The following TOP2B variants were observed in gnomAD, a reference collection of about 807,000 sequenced individuals.
TOP2B encodes the protein DNA topoisomerase II beta.
A neutral mutation model predicts 193.5 loss-of-function variants in TOP2B; 51 were observed. The ratio of observed to expected loss-of-function variants is 0.26; its 90% CI spans 0.21 to 0.33. The LOEUF (loss-of-function observed/expected upper bound fraction) is 0.33, where lower values mean the gene tolerates loss of function less well. Among genes scored for constraint, TOP2B ranks in the 10% least tolerant of loss-of-function variants. TOP2B has a pLI of 1.00. For missense variants in TOP2B, 1,378 were observed against 1,909.3 expected (o/e 0.72, Z 5.19); for synonymous variants, 634 against 635.7 (o/e 1.00, Z 0.04).
chr3:25,659,995 G>A (rs1022303663), intron 1 of TOP2B, among the ~76,000 whole-genome samples: 1 of 152,118 alleles, frequency 6.6e-6, no homozygotes, highest in Non-Finnish European at 1.5e-5. Context: ...GGTTCTATAC[G>A]TGTTAATACT....
Position 25,612,614 on chromosome 3 carries a change from C to T in TOP2B, c.3687G>A (p.Gln1229=). 2 of 1,613,772 alleles carry T rather than the reference C, an allele frequency of 1.2e-6. No homozygotes were observed. The highest frequency in any genetic ancestry group is 1.7e-6 in the Non-Finnish European group (2 of 1,179,832). The change falls in exon 28 of 36, where the codon CAG becomes CAA. Residue 1229 remains glutamine (Q), a synonymous_variant. Coordinates refer to ENST00000264331, the MANE Select transcript of TOP2B (RefSeq NM_001330700.2). ...AAGGTGAGGGCATTGTCTCTTCCAA[C>T]TGGAGTTTCTTCACCTTAGGTTTGC... The part of the protein sequence containing the change: ...KVGKPKVKKL[Q]LEETMPSPYG...
chr3:25,630,147 T>C lies in TOP2B; in HGVS notation c.1571A>G (p.Glu524Gly). ...VREASHKQIM[E>G]NAEINNIIKI... ...AATAATATTATTTATTTCAGCATTT[T>C]CCATGATCTGTTCAAAAAGGAAAAG... Residue 524 changes from glutamate (E) to glycine (G), a missense_variant, in exon 13 of 36, where the codon GAA becomes GGA. Around this residue, in one of 9 missense-constraint regions of TOP2B, gnomAD observed 66 missense variants for 153.3 expected, o/e 0.43. Transcript: ENST00000264331. 1 of 1,548,244 alleles carries C rather than the reference T, an allele frequency of 6.5e-7. No homozygotes were observed. The highest frequency in any genetic ancestry group is 8.7e-7 in the Non-Finnish European group (1 of 1,147,878).
chr3:25,620,623 C>T, intron 22 of TOP2B, 59 bp downstream of exon 22: 1 of 1,540,318 alleles, frequency 6.5e-7, no homozygotes, highest in Non-Finnish European at 8.8e-7. Context: ...TCATCCTTAC[C>T]AGAAAAAATT....
intron 30 of TOP2B, among the ~76,000 whole-genome samples, chr3:25,608,077 A>G (rs1229477920): frequency 6.6e-6 from 1 of 152,206 alleles, no homozygotes; most frequent in Non-Finnish European, 1.5e-5. Flanking sequence ...GAGCCACTGT[A>G]CCGACACCTA....
intron 30 of TOP2B, among the ~76,000 whole-genome samples, chr3:25,608,733 C>T (rs373302478): frequency 6.8e-4 from 103 of 152,082 alleles, no homozygotes; most frequent in Non-Finnish European, 1.1e-3. Context: ...ATTATTATAA[C>T]AGCAAAATGG....
intron 12 of TOP2B, 30 bp from the exon 13 acceptor site, chr3:25,630,184 G>A (rs114586592): frequency 6.5e-7 from 1 of 1,530,620 alleles, no homozygotes; most frequent in Non-Finnish European, 8.8e-7. Context: ...ACTGAGAGTA[G>A]TTTGAAGTGT....
chr3:25,598,400 A>G lies in TOP2B; in HGVS notation c.4788T>C (p.Ser1596=). Residue 1596 remains serine (S), a synonymous_variant, in exon 36 of 36, where the codon TCT becomes TCC. Coordinates refer to ENST00000264331, the MANE Select transcript of TOP2B (RefSeq NM_001330700.2). ...FPSDFPTEPP[S]LPRTGRARKE... is the part of the protein sequence containing the mutation. ...TCCTAGCCCGACCGGTTCGTGGCAG[A>G]GAAGGTGGCTCAGTAGGGAAGTCTG... 6.2e-7 allele frequency: 1 copy of G among 1,613,704 alleles called. No homozygotes were observed. The highest frequency in any genetic ancestry group is 8.5e-7 in the Non-Finnish European group (1 of 1,179,684).
chr3:25,637,351 G>A (rs925449170), intron 5 of TOP2B, 39 bp from the exon 6 acceptor site: 4 of 1,452,696 alleles, frequency 2.8e-6, no homozygotes, highest in South Asian at 1.3e-5. Flanking sequence ...TAGTAAAAAT[G>A]ATTTTAAAGG....
At chr3:25,615,699 T>C in intron 25 of TOP2B, 113 bp from the exon 26 acceptor site, 18 of 920,016 alleles carry the variant, frequency 2.0e-5, no homozygotes, top group Non-Finnish European at 2.6e-5. Context: ...AAATGCTACA[T>C]CTTCAGGATG....
chr3:25,619,758 TG>T, intron 23 of TOP2B, 103 bp downstream of exon 23: 2 of 503,374 alleles, frequency 4.0e-6, no homozygotes, highest in Non-Finnish European at 6.2e-6. Flanking sequence ...AAAAAAAAAA[TG>T]CCTTCAGGCT....
Position 25,637,099 on chromosome 3 carries a change from T to G in TOP2B, c.639+116A>C, listed in dbSNP as rs1227732514. 3 of 746,934 alleles carry G rather than the reference T, an allele frequency of 4.0e-6. No homozygotes were observed. In the East Asian group the frequency reaches 8.3e-5, roughly 21 times the overall value. The allele number at this position is 746,934 out of a possible 1,614,324, so 46.3% of individuals were successfully genotyped here. A position where few individuals can be genotyped will look rare whatever the true frequency, so the allele number is the denominator to read the frequency against. On this transcript the variant is annotated intron_variant, in intron 6 of 35. Coordinates refer to ENST00000264331, the MANE Select transcript of TOP2B (RefSeq NM_001330700.2). ...TGATGATTTGACTTGGATAATGCTT[T>G]GGAAAAAAAAAATGAAGTTATACAG...
chr3:25,617,518 T>C (rs1234787181), intron 25 of TOP2B, among the ~76,000 whole-genome samples: 1 of 152,176 alleles, frequency 6.6e-6, no homozygotes, highest in Non-Finnish European at 1.5e-5. Context: ...AATATTTCAA[T>C]GTAGTTTGAT....
In TOP2B at chr3:25,626,606, G is replaced by C. The variant is rs867409127; in HGVS notation, c.2178C>G (p.Leu726=). The part of the protein sequence containing the change: ...YNDFINKELI[L]FSNSDNERSI... ...ATCTTTCATTGTCTGAGTTTGAGAAGAGAATCAATTCCTTGTTGATGAAAT... is the reference window on the plus strand; with the variant it reads ...ATCTTTCATTGTCTGAGTTTGAGAACAGAATCAATTCCTTGTTGATGAAAT... The change falls in exon 18 of 36, where the codon CTC becomes CTG. Residue 726 remains leucine (L), a synonymous_variant. Transcript: ENST00000264331. 6.5e-7 allele frequency: 1 copy of C among 1,536,560 alleles called. No homozygotes were observed. Among genetic ancestry groups the C allele is most frequent in the African/African-American group, 1.4e-5 (1 of 72,138 alleles).
rs775304137 is a variant in TOP2B at position 25,599,430 on chromosome 3, G to A, written c.4710+5C>T. 31 of 1,612,324 alleles carry A rather than the reference G, an allele frequency of 1.9e-5. No homozygotes were observed. The highest frequency in any genetic ancestry group is 6.7e-5 in the Admixed American group (4 of 59,852). ...GCACTAATATGCAATGATGTTCCCG[G>A]TTACCTTGCTTGTTGTTTTGGATGT... On this transcript the variant is annotated splice_donor_5th_base_variant and intron_variant, in intron 35 of 35. Coordinates refer to ENST00000264331, the MANE Select transcript of TOP2B (RefSeq NM_001330700.2).
intron 10 of TOP2B, among the ~76,000 whole-genome samples, 198 bp from the exon 11 acceptor site, chr3:25,631,137 T>C (rs1702944827): frequency 6.6e-6 from 1 of 152,052 alleles, no homozygotes; most frequent in South Asian, 2.1e-4. Context: ...AAAATATAAA[T>C]ACATGAAAAA....
chr3:25,607,022 G>A (rs1300435145), intron 31 of TOP2B, 149 bp downstream of exon 31: 11 of 1,170,362 alleles, frequency 9.4e-6, no homozygotes, highest in Non-Finnish European at 1.3e-5. Context: ...AACTGTGATG[G>A]GAACAGCTGC....
chr3:25,610,389 T>A (rs1320292668), intron 28 of TOP2B, among the ~76,000 whole-genome samples: 1 of 151,848 alleles, frequency 6.6e-6, no homozygotes, highest in Non-Finnish European at 1.5e-5. Context: ...AGGGGAGAAG[T>A]GAGAAACTCT....
intron 1 of TOP2B, among the ~76,000 whole-genome samples, chr3:25,651,445 TA>T (rs34010313): frequency 2.5e-3 from 300 of 118,454 alleles, no homozygotes; most frequent in Admixed American, 2.6e-3. Flanking sequence ...AACATGTCAC[TA>T]AAAAAAAAAA....
At chr3:25,627,143 A>T in intron 16 of TOP2B, 44 bp downstream of exon 16, 1 of 1,338,544 alleles carries the variant, frequency 7.5e-7, no homozygotes, top group Non-Finnish European at 1.1e-6. Context: ...AATAGAAGGT[A>T]GGGGGATGGC....
Sources: allele counts gnomAD v4.1 joint callset (sites outside exome capture counted in the v4.1 genomes callset), GRCh38; gene constraint gnomAD v4.1.1; regional missense constraint gnomAD v4.1.1; transcripts MANE v1.5; gene names NCBI Gene and HGNC (gene_info 2026-07-23, HGNC 2026-07-21).